Variants in CLDN10 observed in about 807,000 individuals in gnomAD.
CLDN10 encodes claudin-10.
A neutral mutation model predicts 22.9 loss-of-function variants in CLDN10; 15 were observed. The observed-to-expected ratio is 0.65, with a 90% confidence interval of 0.44 to 1.01. The LOEUF is 1.01. Among genes scored for constraint, CLDN10 ranks in the 50% least tolerant of loss-of-function variants. CLDN10 has a pLI of 0.00. For missense variants in CLDN10, 247 were observed against 287.8 expected (o/e 0.86, Z 1.03); for synonymous variants, 114 against 111.4 (o/e 1.02, Z -0.15).
At chr13:95,477,944 T>A (rs150565335) in intron 1 of CLDN10, among the ~76,000 whole-genome samples, 138 of 152,232 alleles carry the variant, frequency 9.1e-4, no homozygotes, top group African/African-American at 3.2e-3. Flanking sequence ...TGAAAAGAAA[T>A]GAGATCTTTT....
intron 1 of CLDN10, among the ~76,000 whole-genome samples, chr13:95,500,593 G>A (rs1307313362): frequency 6.6e-6 from 1 of 152,132 alleles, no homozygotes; most frequent in Non-Finnish European, 1.5e-5. Flanking sequence ...AAGGGAGGAG[G>A]TCTCTGGCAA....
chr13:95,517,818 C>G (rs1459895568), intron 1 of CLDN10, among the ~76,000 whole-genome samples: 1 of 151,446 alleles, frequency 6.6e-6, no homozygotes, highest in Non-Finnish European at 1.5e-5. Context: ...CCTGTAATCC[C>G]AGCTACTCAG....
At chr13:95,545,326 C>G (rs1467703884) in intron 1 of CLDN10, among the ~76,000 whole-genome samples, 2 of 151,762 alleles carry the variant, frequency 1.3e-5, no homozygotes, top group African/African-American at 4.8e-5. Context: ...GGCAGATCAC[C>G]TGAGTTAAAG....
At chr13:95,502,454 C>G (rs1284809211) in intron 1 of CLDN10, among the ~76,000 whole-genome samples, 4 of 152,104 alleles carry the variant, frequency 2.6e-5, no homozygotes, top group Non-Finnish European at 5.9e-5. Flanking sequence ...TCAACTGTTG[C>G]CAGGACGTTT....
Position 95,552,846 on chromosome 13 carries a change from G to C in CLDN10, c.93G>C (p.Lys31Asn). 1 of 1,614,130 alleles carries C rather than the reference G, an allele frequency of 6.2e-7. No homozygotes were observed. The highest frequency in any genetic ancestry group is 1.7e-5 in the Admixed American group (1 of 60,030). ...VSSTLPTDYW[K>N]VSTIDGTVIT... is the part of the protein sequence containing the mutation. ...CCACGCTGCCCACCGACTACTGGAA[G>C]GTGTCTACCATCGACGGCACGGTCA... Residue 31 changes from lysine to asparagine, a missense_variant, in exon 1 of 5, where the codon AAG (lysine) becomes AAC (asparagine). Coordinates refer to ENST00000299339, the MANE Select transcript of CLDN10 (RefSeq NM_006984.5).
rs1268609677 is a variant in CLDN10, at chr13:95,578,111, C to T, written c.*97C>T. On this transcript the variant is annotated 3_prime_UTR_variant, in exon 5 of 5. Transcript: ENST00000299339. The stretch of plus-strand genomic sequence containing the variant: ...GCCCTCCCATAATTAACACTCAAAA[C>T]TATTTTTAAAATATGCATTTGAAGC... 3.1e-6 allele frequency: 2 copies of T among 638,016 alleles called. No homozygotes were observed. Among genetic ancestry groups the T allele is most frequent in the Non-Finnish European group, 5.5e-6 (2 of 365,082 alleles). The allele number at this position is 638,016 out of a possible 1,614,324, so 39.5% of individuals were successfully genotyped here.
intron 1 of CLDN10, among the ~76,000 whole-genome samples, chr13:95,475,794 C>CTCTCTCTCTCTG (rs1555290320): frequency 2.6e-5 from 4 of 151,332 alleles, no homozygotes; most frequent in East Asian, 1.9e-4. Flanking sequence ...GCATCTCTCT[C>CTCTCTCTCTCTG]TCTCTCTCTG....
intron 1 of CLDN10, among the ~76,000 whole-genome samples, chr13:95,442,609 C>T (rs148587279): frequency 2.0e-5 from 3 of 152,312 alleles, no homozygotes; most frequent in African/African-American, 7.2e-5. Flanking sequence ...TTGGGCTCCA[C>T]AGGGGAAGGC....
At chr13:95,492,722 A>G (rs1260312439) in intron 1 of CLDN10, among the ~76,000 whole-genome samples, 1 of 152,126 alleles carries the variant, frequency 6.6e-6, no homozygotes, top group Admixed American at 6.5e-5. Context: ...AAGTTCAGCT[A>G]GAGAATTCCT....
chr13:95,564,063 G>C (rs2043752525), intron 3 of CLDN10, among the ~76,000 whole-genome samples: 1 of 152,216 alleles, frequency 6.6e-6, no homozygotes, highest in African/African-American at 2.4e-5. Context: ...GGAATACGTT[G>C]TAGAATCAAA....
chr13:95,471,024 A>G (rs1407927500), intron 1 of CLDN10, among the ~76,000 whole-genome samples: 1 of 152,148 alleles, frequency 6.6e-6, no homozygotes, highest in African/African-American at 2.4e-5. Context: ...GGAGACGAGA[A>G]AGGAGAGGTT....
At chr13:95,570,405 G>C (rs1354519627) in intron 3 of CLDN10, among the ~76,000 whole-genome samples, 1 of 152,210 alleles carries the variant, frequency 6.6e-6, no homozygotes, top group African/African-American at 2.4e-5. Context: ...TGGAACATGA[G>C]ATGTTCCTTT....
intron 1 of CLDN10, among the ~76,000 whole-genome samples, chr13:95,501,608 G>A (rs1176511463): frequency 1.3e-5 from 2 of 152,110 alleles, no homozygotes; most frequent in Non-Finnish European, 2.9e-5. Flanking sequence ...TCTTGTGATT[G>A]GTGTTTGCAT....
chr13:95,516,968 CTCCT>C (rs59808109), intron 1 of CLDN10, among the ~76,000 whole-genome samples: 11,810 of 135,174 alleles, frequency 0.087, 610 homozygotes, highest in African/African-American at 0.11. Flanking sequence ...AATAGATTCT[CTCCT>C]TCCTTCCTTC....
rs1314584114 is a variant in CLDN10, at chr13:95,577,258, T to C, written c.492T>C (p.Ile164=). The part of the protein sequence containing the change: ...QKYELGAALF[I]GWAGASLCII... Reference sequence around the variant, plus strand: ...ATGAATTAGGAGCCGCTCTGTTTATTGGATGGGCAGGAGCCTCACTGTGCA... The same window carrying C: ...ATGAATTAGGAGCCGCTCTGTTTATCGGATGGGCAGGAGCCTCACTGTGCA... The change falls in exon 4 of 5, where the codon ATT becomes ATC. Residue 164 remains isoleucine (I), a synonymous_variant. Coordinates refer to ENST00000299339, the MANE Select transcript of CLDN10 (RefSeq NM_006984.5). 6.2e-7 allele frequency: 1 copy of C among 1,614,154 alleles called. No individual in the cohort carries two copies. The highest frequency in any genetic ancestry group is 1.1e-5 in the South Asian group (1 of 91,084).
chr13:95,504,416 T>C (rs1452294991), intron 1 of CLDN10, among the ~76,000 whole-genome samples: 1 of 152,234 alleles, frequency 6.6e-6, no homozygotes, highest in Non-Finnish European at 1.5e-5. Flanking sequence ...AGTCTCACTC[T>C]GTCACCCAGG....
At chr13:95,577,876 A>G (rs2043958406) in intron 4 of CLDN10, 24 bp from the exon 5 acceptor site, 1 of 1,531,258 alleles carries the variant, frequency 6.5e-7, no homozygotes, top group Admixed American at 1.7e-5. Context: ...AATAGAATCT[A>G]CCAAACTATG....
intron 1 of CLDN10, among the ~76,000 whole-genome samples, chr13:95,523,536 T>C (rs1173130497): frequency 6.6e-6 from 1 of 152,196 alleles, no homozygotes; most frequent in Non-Finnish European, 1.5e-5. Context: ...GCCGTTTATT[T>C]CCTTTGATGT....
chr13:95,482,154 A>G (rs941774774), intron 1 of CLDN10, among the ~76,000 whole-genome samples: 3 of 152,214 alleles, frequency 2.0e-5, no homozygotes, highest in Non-Finnish European at 4.4e-5. Context: ...TGCTTATTTC[A>G]CATCGCATGC....
Sources: gnomAD v4.1 joint callset for allele counts (sites outside exome capture counted in the v4.1 genomes callset) on GRCh38, gnomAD v4.1.1 for gene constraint, MANE v1.5 for transcripts, NCBI Gene and HGNC (gene_info 2026-07-23, HGNC 2026-07-21) for gene names.